The following LINGO2 variants were observed in gnomAD, a reference collection of about 807,000 sequenced individuals.
The protein encoded by LINGO2 is leucine rich repeat and Ig domain containing 2.
A neutral mutation model predicts 30.6 loss-of-function variants in LINGO2; 14 were observed. That is an observed-to-expected ratio of 0.46 (90% confidence interval 0.30 to 0.72). The LOEUF is 0.72. Ranked by LOEUF, LINGO2 falls within the 30% of genes least tolerant of loss-of-function variation. The pLI is 0.07. For synonymous variants in LINGO2, 317 were observed against 288.5 expected (o/e 1.10, Z -1.00); for missense variants, 729 against 751.7 (o/e 0.97, Z 0.35).
At chr9:28,848,319 GT>G in the LINGO2 span, among the ~76,000 whole-genome samples, 1 of 121,688 alleles carries the variant, frequency 8.2e-6, no homozygotes, top group Non-Finnish European at 1.7e-5. Flanking sequence ...CGCATATATA[GT>G]GTATATATAT....
the LINGO2 span, among the ~76,000 whole-genome samples, chr9:28,799,407 T>A: frequency 6.6e-6 from 1 of 152,132 alleles, no homozygotes; most frequent in Non-Finnish European, 1.5e-5. Context: ...AATCACTTTT[T>A]GAGGAGGATG....
chr9:28,128,856 AGAG>A (rs66542756), intron 4 of LINGO2, among the ~76,000 whole-genome samples: 32,592 of 152,044 alleles, frequency 0.21, 3,565 homozygotes, highest in African/African-American at 0.27. Flanking sequence ...GGGTGTTGCT[AGAG>A]GAGATGAACA....
the LINGO2 span, among the ~76,000 whole-genome samples, chr9:28,920,111 T>C: frequency 2.0e-5 from 3 of 152,122 alleles, no homozygotes; most frequent in African/African-American, 7.2e-5. Flanking sequence ...GATGATTCTT[T>C]TAAAATAGAT....
the LINGO2 span, among the ~76,000 whole-genome samples, chr9:29,134,227 T>C: frequency 6.6e-6 from 1 of 152,146 alleles, no homozygotes; most frequent in Non-Finnish European, 1.5e-5. Flanking sequence ...TTATTTGATA[T>C]CAATTTATCA....
At chr9:28,403,446 G>A (rs1013721038) in intron 2 of LINGO2, among the ~76,000 whole-genome samples, 13 of 152,046 alleles carry the variant, frequency 8.6e-5, no homozygotes, top group Admixed American at 3.9e-4. Flanking sequence ...TAGCTCTTCT[G>A]GCTCTTTCTG....
At chr9:28,647,990 C>T (rs533448156) in intron 1 of LINGO2, among the ~76,000 whole-genome samples, 9 of 150,474 alleles carry the variant, frequency 6.0e-5, no homozygotes, top group Non-Finnish European at 1.2e-4. Context: ...ACACATGTAC[C>T]GTAAACAGAG....
At chr9:27,963,818 C>G (rs1819967426) in intron 5 of LINGO2, among the ~76,000 whole-genome samples, 1 of 150,874 alleles carries the variant, frequency 6.6e-6, no homozygotes, top group African/African-American at 2.4e-5. Flanking sequence ...TTCCAGATAT[C>G]TAAAAACTGT....
At chr9:28,848,051 A>G in the LINGO2 span, among the ~76,000 whole-genome samples, 1 of 21,606 alleles carries the variant, frequency 4.6e-5, no homozygotes, top group African/African-American at 1.3e-4. Flanking sequence ...TATAGTATAT[A>G]TATATATATA....
chr9:28,548,468 G>T (rs551728045), intron 1 of LINGO2, among the ~76,000 whole-genome samples: 108 of 152,110 alleles, frequency 7.1e-4, no homozygotes, highest in Non-Finnish European at 1.2e-3. Context: ...TACTTTGGGA[G>T]GCCGAGACGG....
intron 3 of LINGO2, among the ~76,000 whole-genome samples, chr9:28,313,847 G>A (rs1423957976): frequency 1.3e-5 from 2 of 152,120 alleles, no homozygotes; most frequent in Admixed American, 1.3e-4. Context: ...GTCTCTGAAG[G>A]GTTCTTATTT....
At chr9:28,624,007 T>A (rs1458965291) in intron 1 of LINGO2, among the ~76,000 whole-genome samples, 2 of 152,130 alleles carry the variant, frequency 1.3e-5, no homozygotes, top group Non-Finnish European at 2.9e-5. Flanking sequence ...GAAATGCTAC[T>A]GCTTTGTAGG....
At chr9:29,097,672 G>A in the LINGO2 span, among the ~76,000 whole-genome samples, 1 of 138,214 alleles carries the variant, frequency 7.2e-6, no homozygotes. Context: ...TCCTAAGCAG[G>A]TGGTCAGTTT....
At chr9:29,181,671 T>C in the LINGO2 span, among the ~76,000 whole-genome samples, 1 of 152,076 alleles carries the variant, frequency 6.6e-6, no homozygotes, top group Non-Finnish European at 1.5e-5. Flanking sequence ...GGAAACAAAG[T>C]ACATCAAGAA....
At chr9:27,976,344 C>T (rs1015975799) in intron 5 of LINGO2, among the ~76,000 whole-genome samples, 1 of 151,976 alleles carries the variant, frequency 6.6e-6, no homozygotes, top group Non-Finnish European at 1.5e-5. Flanking sequence ...TTTTAATAAG[C>T]ATGCAGGTAT....
the LINGO2 span, among the ~76,000 whole-genome samples, chr9:29,032,403 T>C: frequency 6.6e-6 from 1 of 152,186 alleles, no homozygotes; most frequent in Admixed American, 6.5e-5. Flanking sequence ...GCAATCTTTT[T>C]GGAAATTCAG....
At chr9:28,043,113 G>A (rs995672593) in intron 4 of LINGO2, among the ~76,000 whole-genome samples, 1 of 152,170 alleles carries the variant, frequency 6.6e-6, no homozygotes. Flanking sequence ...CACTCTGCAG[G>A]GCATCCTGGC....
At chr9:28,861,279 T>A in the LINGO2 span, among the ~76,000 whole-genome samples, 3 of 124,272 alleles carry the variant, frequency 2.4e-5, no homozygotes, top group Admixed American at 1.0e-4. Flanking sequence ...ATAATATTTA[T>A]ATATTATATA....
chr9:28,887,114 A>G, the LINGO2 span, among the ~76,000 whole-genome samples: 2 of 152,138 alleles, frequency 1.3e-5, no homozygotes, highest in Non-Finnish European at 1.5e-5. Context: ...GTCCATTATA[A>G]TAATGATGAA....
At chr9:28,457,891 A>C (rs137966904) in intron 2 of LINGO2, among the ~76,000 whole-genome samples, 140 of 152,226 alleles carry the variant, frequency 9.2e-4, no homozygotes, top group African/African-American at 3.2e-3. Context: ...GGAGGCATAA[A>C]TTTTCATTAA....
Sources: gnomAD v4.1 joint callset for allele counts (sites outside exome capture counted in the v4.1 genomes callset) on GRCh38, gnomAD v4.1.1 for gene constraint, MANE v1.5 for transcripts, NCBI Gene and HGNC (gene_info 2026-07-23, HGNC 2026-07-21) for gene names.